Variants in TAFA5 observed in about 807,000 individuals in gnomAD.
TAFA5 encodes the protein TAFA chemokine like family member 5, also known as chemokine-like protein TAFA-5.
Under a neutral mutation model 15.3 loss-of-function variants are expected in TAFA5, and 6 were observed. That is an observed-to-expected ratio of 0.39 (90% CI 0.21 to 0.77). The LOEUF (loss-of-function observed/expected upper bound fraction) is 0.77, where lower values mean the gene tolerates loss of function less well. TAFA5 is among the 30% of genes least tolerant of loss of function. The pLI, the probability that TAFA5 is intolerant of heterozygous loss-of-function variation, is 0.41. For missense variants in TAFA5, 161 were observed against 193.1 expected (o/e 0.83, Z 0.98); for synonymous variants, 103 against 80.7 (o/e 1.28, Z -1.48).
At chr22:48,591,888 C>T (rs563838214) in intron 1 of TAFA5, among the ~76,000 whole-genome samples, 122 of 152,282 alleles carry the variant, frequency 8.0e-4, no homozygotes, top group African/African-American at 2.5e-3. Flanking sequence ...GCATCCCGGG[C>T]GCCTGGGCCC....
At chr22:48,608,320 G>A (rs939859174) in intron 1 of TAFA5, among the ~76,000 whole-genome samples, 13 of 152,212 alleles carry the variant, frequency 8.5e-5, no homozygotes, top group Non-Finnish European at 1.3e-4. Context: ...CCATATTCAC[G>A]ATACCTCCTT....
At position 48,490,388 on chromosome 22, in the gene TAFA5, C is replaced by G. The variant is rs941520527; in HGVS notation, c.112+684C>G. Reference sequence around the variant, plus strand: ...GGCTGGGGTGGTGCGGGCCAGTGGGCGCCCGGGCGTGAGCTGAGGGCTGGG... The same window carrying G: ...GGCTGGGGTGGTGCGGGCCAGTGGGGGCCCGGGCGTGAGCTGAGGGCTGGG... On this transcript the variant is annotated intron_variant, in intron 1 of 3. Coordinates refer to ENST00000402357, the MANE Select transcript of TAFA5 (RefSeq NM_001082967.3). The surrounding 1 kb of genome is among the most constrained non-coding windows in gnomAD (Gnocchi z 5.8). Among the ~76,000 whole-genome samples, 1 of 151,126 alleles carries G rather than the reference C, an allele frequency of 6.6e-6. No homozygotes were observed. The highest frequency in any genetic ancestry group is 2.4e-5 in the African/African-American group (1 of 41,086).
At chr22:48,700,046 TAC>T (rs756767713) in intron 2 of TAFA5, among the ~76,000 whole-genome samples, 125 of 151,880 alleles carry the variant, frequency 8.2e-4, no homozygotes, top group African/African-American at 2.8e-3. Context: ...ACACACCATA[TAC>T]ACACACACAC....
intron 2 of TAFA5, among the ~76,000 whole-genome samples, chr22:48,697,933 A>G (rs535336793): frequency 2.0e-5 from 3 of 148,670 alleles, no homozygotes; most frequent in African/African-American, 7.5e-5. Flanking sequence ...GGTGGTGGTG[A>G]TGATGTGTGA....
intron 1 of TAFA5, among the ~76,000 whole-genome samples, chr22:48,559,059 G>A (rs1313119942): frequency 6.6e-6 from 1 of 152,222 alleles, no homozygotes; most frequent in East Asian, 1.9e-4. Context: ...AGGCGTGAGG[G>A]AGGTGCCCCC....
intron 1 of TAFA5, among the ~76,000 whole-genome samples, chr22:48,564,882 T>C (rs1048897625): frequency 1.3e-5 from 2 of 152,210 alleles, no homozygotes; most frequent in Non-Finnish European, 2.9e-5. Flanking sequence ...ACGCACAGTC[T>C]GAGACACCCG....
At chr22:48,540,395 G>C (rs1396303840) in intron 1 of TAFA5, among the ~76,000 whole-genome samples, 1 of 152,052 alleles carries the variant, frequency 6.6e-6, no homozygotes, top group Non-Finnish European at 1.5e-5. Context: ...ATCCCTCTCC[G>C]AGGCCACTTG....
intron 1 of TAFA5, among the ~76,000 whole-genome samples, chr22:48,597,743 T>G (rs1924821206): frequency 6.6e-6 from 1 of 152,256 alleles, no homozygotes; most frequent in South Asian, 2.1e-4. Flanking sequence ...AGAAAACTCT[T>G]ACTGGCACTT....
chr22:48,603,651 G>A (rs908244972), intron 1 of TAFA5, among the ~76,000 whole-genome samples: 1 of 152,220 alleles, frequency 6.6e-6, no homozygotes, highest in Non-Finnish European at 1.5e-5. Flanking sequence ...GGGCAGGCAC[G>A]CAGATCTTCC....
intron 1 of TAFA5, among the ~76,000 whole-genome samples, chr22:48,562,474 G>GGA (rs1228435447): frequency 6.6e-6 from 1 of 152,230 alleles, no homozygotes; most frequent in Non-Finnish European, 1.5e-5. Context: ...AGGGGGCACA[G>GGA]GAGGGTCACT....
At chr22:48,663,332 T>G (rs2147215953) in intron 2 of TAFA5, among the ~76,000 whole-genome samples, 1 of 139,774 alleles carries the variant, frequency 7.2e-6, no homozygotes, top group African/African-American at 2.9e-5. Context: ...TGGGGTTAAG[T>G]GGCCTGCATC....
chr22:48,714,202 T>C (rs1929338114), intron 3 of TAFA5, among the ~76,000 whole-genome samples: 1 of 152,170 alleles, frequency 6.6e-6, no homozygotes, highest in Non-Finnish European at 1.5e-5. Flanking sequence ...GACGAGACAC[T>C]CACACTTCCT....
chr22:48,532,394 A>T (rs747603133), intron 1 of TAFA5, among the ~76,000 whole-genome samples: 1 of 152,208 alleles, frequency 6.6e-6, no homozygotes, highest in Non-Finnish European at 1.5e-5. Flanking sequence ...CACGTATTTC[A>T]TGTTCTCAAG....
intron 1 of TAFA5, among the ~76,000 whole-genome samples, chr22:48,501,744 G>A (rs1011545596): frequency 6.6e-6 from 1 of 152,214 alleles, no homozygotes; most frequent in African/African-American, 2.4e-5. Context: ...CCCCAGGGGT[G>A]TGGCGGAGTG....
At chr22:48,634,480 A>G (rs567772597) in intron 1 of TAFA5, among the ~76,000 whole-genome samples, 23 of 124,986 alleles carry the variant, frequency 1.8e-4, no homozygotes, top group African/African-American at 5.9e-4. Flanking sequence ...CAATCACTCA[A>G]TCACTCCTTG....
chr22:48,676,199 G>A (rs1047275261), intron 2 of TAFA5, among the ~76,000 whole-genome samples: 1 of 152,254 alleles, frequency 6.6e-6, no homozygotes, highest in African/African-American at 2.4e-5. Context: ...TTCTGGGAGG[G>A]CAGAGAGCCT....
At chr22:48,606,190 C>G (rs543196639) in intron 1 of TAFA5, among the ~76,000 whole-genome samples, 1 of 152,290 alleles carries the variant, frequency 6.6e-6, no homozygotes, top group East Asian at 1.9e-4. Context: ...TGTACCAAAC[C>G]CTGGGACCCC....
intron 1 of TAFA5, among the ~76,000 whole-genome samples, chr22:48,586,108 G>C (rs929459907): frequency 1.3e-5 from 2 of 152,276 alleles, no homozygotes; most frequent in African/African-American, 4.8e-5. Flanking sequence ...GGCCTCTGCA[G>C]AGGCTTCCTG....
At chr22:48,608,238 A>G (rs34694572) in intron 1 of TAFA5, among the ~76,000 whole-genome samples, 19,464 of 152,210 alleles carry the variant, frequency 0.13, 1,348 homozygotes, top group African/African-American at 0.17. Context: ...TAGGAAATAC[A>G]GAAACACCTC....
Sources: gnomAD v4.1 joint callset for allele counts (sites outside exome capture counted in the v4.1 genomes callset) on GRCh38, gnomAD v4.1.1 for gene constraint, Gnocchi (gnomAD v3.1) non-coding constraint, MANE v1.5 for transcripts, NCBI Gene and HGNC (gene_info 2026-07-23, HGNC 2026-07-21) for gene names.